CFH: variants seen among roughly 807,000 people sequenced by gnomAD.
CFH encodes the protein H factor 1 (complement).
A neutral mutation model predicts 147.3 loss-of-function variants in CFH; 53 were observed. That is an observed-to-expected ratio of 0.36 (90% CI 0.29 to 0.45). CFH has a LOEUF of 0.45. Ranked by LOEUF, CFH falls within the 20% of genes least tolerant of loss-of-function variation. The pLI is 1.00. For missense variants in CFH, 1,380 were observed against 1,498.0 expected (o/e 0.92, Z 1.30); for synonymous variants, 536 against 489.4 (o/e 1.10, Z -1.26).
intron 9 of CFH, chr1:196,692,374 A>G: frequency 2.4e-6 from 2 of 831,230 alleles, no homozygotes; most frequent in Non-Finnish European, 2.9e-6. Flanking sequence ...TTTTCTTCAC[A>G]GATTAATTGA....
intron 19 of CFH, 77 bp from the exon 20 acceptor site, chr1:196,743,375 A>G (rs1652877495): frequency 1.3e-6 from 2 of 1,571,586 alleles, no homozygotes; most frequent in East Asian, 2.3e-5. Flanking sequence ...GTCTTGAAAT[A>G]TATTTGTAAC....
Position 196,737,790 on chromosome 1 carries a change from A to T in CFH, c.2782+130A>T, listed in dbSNP as rs1419251100. Reference sequence around the variant, plus strand: ...ATAATTTATATATTATACCATTAAAATACTTTTTGCATGATTGAATCTATT... The same window carrying T: ...ATAATTTATATATTATACCATTAAATTACTTTTTGCATGATTGAATCTATT... On this transcript the variant is annotated intron_variant, in intron 17 of 21. Coordinates refer to ENST00000367429, the MANE Select transcript of CFH (RefSeq NM_000186.4). The T allele has an allele frequency of 1.5e-5, 10 of 647,646 alleles. No homozygotes were observed. In the Admixed American group the frequency reaches 3.1e-4, roughly 20 times the overall value. 40.1% of individuals were successfully genotyped at this position (647,646 alleles called of 1,614,324 possible). A position where few individuals can be genotyped will look rare whatever the true frequency, so the allele number is the denominator to read the frequency against.
At chr1:196,701,652 C>G (rs943759105) in intron 9 of CFH, 1 of 337,972 alleles carries the variant, frequency 3.0e-6, no homozygotes, top group Non-Finnish European at 5.6e-6. Context: ...CAAGCCAGGT[C>G]GAGGTCACTC....
intron 13 of CFH, 45 bp downstream of exon 13, chr1:196,726,697 A>G: frequency 5.6e-6 from 9 of 1,605,568 alleles, no homozygotes; most frequent in Non-Finnish European, 7.7e-6. Context: ...AAACTTTTGT[A>G]TTTTGTATCT....
At chr1:196,686,800 G>C (rs1667844398) in intron 7 of CFH, among the ~76,000 whole-genome samples, 1 of 152,072 alleles carries the variant, frequency 6.6e-6, no homozygotes, top group Non-Finnish European at 1.5e-5. Context: ...ATTAATGTTT[G>C]ACAATGAACC....
At chr1:196,659,265 G>C (rs890173692) in intron 1 of CFH, among the ~76,000 whole-genome samples, 1 of 152,178 alleles carries the variant, frequency 6.6e-6, no homozygotes, top group African/African-American at 2.4e-5. Flanking sequence ...GCAAATAAAA[G>C]TTATGTCACA....
intron 15 of CFH, among the ~76,000 whole-genome samples, chr1:196,733,195 TA>T (rs1669320260): frequency 6.6e-6 from 1 of 152,028 alleles, no homozygotes; most frequent in South Asian, 2.1e-4. Context: ...GCGGGAAGAT[TA>T]TTTTTTGTTT....
intron 17 of CFH, 57 bp from the exon 18 acceptor site, chr1:196,740,562 G>C (rs1381256677): frequency 1.3e-6 from 2 of 1,495,854 alleles, no homozygotes; most frequent in African/African-American, 2.8e-5. Flanking sequence ...ATTAAAACAG[G>C]CATATAAAAT....
chr1:196,727,309 G>T (rs1173111057), intron 14 of CFH, among the ~76,000 whole-genome samples: 5 of 152,106 alleles, frequency 3.3e-5, no homozygotes, highest in East Asian at 3.9e-4. Context: ...AGACACTAGT[G>T]TGGGCAATAT....
chr1:196,692,770 CTTTCTTTCTTTCTTTCT>C (rs1558163628), intron 9 of CFH, among the ~76,000 whole-genome samples: 1 of 41,110 alleles, frequency 2.4e-5, no homozygotes, highest in African/African-American at 1.3e-4. Context: ...TTCTTTCTTT[CTTTCTTTCTTTCTTTCT>C]TTCTTTCTTT....
At chr1:196,695,261 G>C (rs1668211606) in intron 9 of CFH, among the ~76,000 whole-genome samples, 2 of 152,054 alleles carry the variant, frequency 1.3e-5, no homozygotes, top group African/African-American at 4.8e-5. Context: ...TATTCAATAG[G>C]GAATCTTTTC....
At chr1:196,658,222 C>T (rs1052645194) in intron 1 of CFH, among the ~76,000 whole-genome samples, 2 of 151,542 alleles carry the variant, frequency 1.3e-5, no homozygotes, top group African/African-American at 4.9e-5. Flanking sequence ...AATTCATGGG[C>T]TAAAAAAAAA....
In CFH at chr1:196,730,974, A is replaced by G. The variant is rs368670751; in HGVS notation, c.2413+2452A>G. On this transcript the variant is annotated intron_variant, in intron 15 of 21. Transcript: ENST00000367429. ...CAATCTGTGAATTTACGTTACAGTG[A>G]AGTAAGTCAATTGTAAGCAGTTTAT... is the stretch of plus-strand genomic sequence containing the variant. Among the ~76,000 whole-genome samples, 8 of 151,880 alleles carry G rather than the reference A, an allele frequency of 5.3e-5. No homozygotes were observed. The South Asian group carries it at 1.7e-3, about 32-fold the overall frequency.
chr1:196,677,309 G>A, intron 4 of CFH, 167 bp from the exon 5 acceptor site: 1 of 620,140 alleles, frequency 1.6e-6, no homozygotes, highest in Non-Finnish European at 2.8e-6. Context: ...CCATTTGCTT[G>A]TTTCTTAGAG....
At chr1:196,716,488 G>A (rs2149104078) in intron 11 of CFH, among the ~76,000 whole-genome samples, 1 of 152,172 alleles carries the variant, frequency 6.6e-6, no homozygotes, top group African/African-American at 2.4e-5. Context: ...TTAAGAAAAG[G>A]AATGGTATAA....
At chr1:196,741,788 T>C in intron 18 of CFH, 87 bp from the exon 19 acceptor site, 5 of 1,215,252 alleles carry the variant, frequency 4.1e-6, no homozygotes, top group South Asian at 1.2e-5. Context: ...TGATTCTATA[T>C]ATCGCTATTT....
At chr1:196,711,118 A>G (rs149480507) in intron 9 of CFH, among the ~76,000 whole-genome samples, 1 of 152,102 alleles carries the variant, frequency 6.6e-6, no homozygotes, top group Non-Finnish European at 1.5e-5. Flanking sequence ...AATTATAGAG[A>G]TCTAAAATAA....
chr1:196,740,311 TC>T (rs1413598370), intron 17 of CFH, among the ~76,000 whole-genome samples: 57 of 152,346 alleles, frequency 3.7e-4, no homozygotes, highest in African/African-American at 1.3e-3. Context: ...TTACCTGGAA[TC>T]GTTAACTCTC....
Position 196,721,295 on chromosome 1 carries a change from T to A in CFH, c.1697-3826T>A, listed in dbSNP as rs112102285. ...ATTATTTCCTTTGCTGTGAAGAAAA[T>A]TTTTAGTTTAATTCACAATCACCCA... On this transcript the variant is annotated intron_variant, in intron 11 of 21. Coordinates refer to ENST00000367429, the MANE Select transcript of CFH (RefSeq NM_000186.4). Among the ~76,000 whole-genome samples, 1,046 of 152,156 alleles carry A rather than the reference T, an allele frequency of 6.9e-3. 9 individuals are homozygous for A. The highest frequency in any genetic ancestry group is 0.023 in the African/African-American group (973 of 41,556).
Sources: gnomAD v4.1 joint callset for allele counts (sites outside exome capture counted in the v4.1 genomes callset) on GRCh38, gnomAD v4.1.1 for gene constraint, MANE v1.5 for transcripts, NCBI Gene and HGNC (gene_info 2026-07-23, HGNC 2026-07-21) for gene names.